CSMD1: variants seen among roughly 807,000 people sequenced by gnomAD.
CSMD1 encodes the protein CUB and Sushi multiple domains 1, also known as CUB and sushi domain-containing protein 1.
CSMD1 carries 213 observed loss-of-function variants against 417.5 expected under a neutral mutation model. The observed-to-expected ratio is 0.51, with a 90% CI of 0.46 to 0.57. CSMD1 has a LOEUF of 0.57. Among genes scored for constraint, CSMD1 ranks in the 20% least tolerant of loss-of-function variants. The pLI, the probability that CSMD1 is intolerant of heterozygous loss-of-function variation, is 0.00. For synonymous variants in CSMD1, 2,862 were observed against 1,736.8 expected, an observed-to-expected ratio of 1.65 and a Z score of -16.11; for missense variants, 6,923 against 4,529.7, an observed-to-expected ratio of 1.53 and a Z score of -15.17.
At chr8:3,680,066 GC>G (rs1799572473) in intron 7 of CSMD1, among the ~76,000 whole-genome samples, 1 of 151,906 alleles carries the variant, frequency 6.6e-6, no homozygotes, top group Non-Finnish European at 1.5e-5. Context: ...AACACTAAAT[GC>G]CCACAAGAGA....
At chr8:3,876,483 T>C (rs1395254688) in intron 5 of CSMD1, among the ~76,000 whole-genome samples, 2 of 152,200 alleles carry the variant, frequency 1.3e-5, no homozygotes, top group Non-Finnish European at 2.9e-5. Flanking sequence ...ACAGAATTGA[T>C]AAAATATGTA....
rs576945908 is a variant in CSMD1 at position 3,211,634 on chromosome 8, C to G, written c.4867+2863G>C. Among the ~76,000 whole-genome samples the G allele has an allele frequency of 2.6e-5, 4 of 152,334 alleles. No homozygotes were observed. In the East Asian group the frequency reaches 7.7e-4, roughly 29 times the overall value. ...GTGACCTAGAGACTGTCATCGCTCT[C>G]AGCCCTGCGAGTCTTGTCTGGAGTG... On this transcript the variant is annotated intron_variant, in intron 30 of 69. Transcript: ENST00000635120.
At chr8:2,947,979 G>C (rs749187822) in intron 68 of CSMD1, among the ~76,000 whole-genome samples, 76 of 147,216 alleles carry the variant, frequency 5.2e-4, no homozygotes, top group East Asian at 3.0e-3. Context: ...TTTATATTCA[G>C]CACTTTGATA....
chr8:4,230,430 G>A (rs1801650292), intron 3 of CSMD1, among the ~76,000 whole-genome samples: 1 of 152,222 alleles, frequency 6.6e-6, no homozygotes, highest in Non-Finnish European at 1.5e-5. Flanking sequence ...TCTAACCTGT[G>A]ACTTAACATA....
intron 54 of CSMD1, among the ~76,000 whole-genome samples, chr8:2,995,484 G>C (rs1313827983): frequency 2.0e-5 from 3 of 152,260 alleles, no homozygotes; most frequent in Admixed American, 6.5e-5. Context: ...AAAAATGCTT[G>C]GCAGTTTCTT....
At chr8:3,469,940 T>G (rs1165976001) in intron 11 of CSMD1, among the ~76,000 whole-genome samples, 1 of 152,256 alleles carries the variant, frequency 6.6e-6, no homozygotes, top group Admixed American at 6.5e-5. Context: ...GCTTGTTTTG[T>G]TGGCTTGTTT....
intron 10 of CSMD1, among the ~76,000 whole-genome samples, chr8:3,524,418 C>A (rs1797665962): frequency 6.6e-6 from 1 of 151,758 alleles, no homozygotes; most frequent in South Asian, 2.1e-4. Context: ...TATGCACACA[C>A]AACCAGACAC....
At chr8:3,376,831 G>A (rs968641588) in intron 18 of CSMD1, among the ~76,000 whole-genome samples, 6 of 151,946 alleles carry the variant, frequency 3.9e-5, no homozygotes, top group African/African-American at 1.5e-4. Flanking sequence ...ATGTTTAAAG[G>A]TTTAAATATC....
At chr8:4,391,552 G>C (rs11779254) in intron 3 of CSMD1, among the ~76,000 whole-genome samples, 83,539 of 151,758 alleles carry the variant, frequency 0.55, 25,346 homozygotes, top group African/African-American at 0.83. Flanking sequence ...GCTCAGAGTA[G>C]GTAAGACTTG....
At chr8:4,895,698 T>G (rs1454401108) in intron 1 of CSMD1, among the ~76,000 whole-genome samples, 1 of 152,004 alleles carries the variant, frequency 6.6e-6, no homozygotes, top group African/African-American at 2.4e-5. Context: ...CCCTGATTTT[T>G]TTTTTTCTCC....
At chr8:3,589,261 C>G (rs965905391) in intron 8 of CSMD1, among the ~76,000 whole-genome samples, 1 of 151,972 alleles carries the variant, frequency 6.6e-6, no homozygotes, top group African/African-American at 2.4e-5. Context: ...GAAATGAAAT[C>G]AATACGTTGA....
intron 7 of CSMD1, among the ~76,000 whole-genome samples, chr8:3,627,142 T>A (rs1796531591): frequency 6.6e-6 from 1 of 152,148 alleles, no homozygotes; most frequent in East Asian, 1.9e-4. Flanking sequence ...ACTCAAAAAT[T>A]TAATTCTCTT....
Position 3,385,656 on chromosome 8 carries a change from C to T in CSMD1, c.2782+1838G>A, listed in dbSNP as rs149998116. 3.1e-4 allele frequency among the ~76,000 whole-genome samples: 47 copies of T among 152,128 alleles called. 1 individual carries two copies. Among genetic ancestry groups the T allele is most frequent in the Middle Eastern group, 3.4e-3 (1 of 294 alleles). On this transcript the variant is annotated intron_variant, in intron 18 of 69. Coordinates refer to ENST00000635120, the MANE Select transcript of CSMD1 (RefSeq NM_033225.6). ...TCTGTAGGCAAATTCACTTATATGACGGTTCTCTGTATATTTATGAAAGCG... is the reference window on the plus strand; with the variant it reads ...TCTGTAGGCAAATTCACTTATATGATGGTTCTCTGTATATTTATGAAAGCG...
intron 3 of CSMD1, among the ~76,000 whole-genome samples, chr8:4,291,293 C>G (rs1008152656): frequency 7.2e-5 from 11 of 151,930 alleles, no homozygotes; most frequent in African/African-American, 1.9e-4. Flanking sequence ...GATTAAAAGT[C>G]AAGATATTTA....
intron 3 of CSMD1, among the ~76,000 whole-genome samples, chr8:4,128,919 T>G (rs1251169829): frequency 2.0e-5 from 3 of 152,034 alleles, no homozygotes; most frequent in Non-Finnish European, 4.4e-5. Context: ...GTTTTAAGAA[T>G]TCCTGTTTTA....
chr8:3,461,655 T>A (rs1816513208), intron 12 of CSMD1, among the ~76,000 whole-genome samples: 1 of 152,192 alleles, frequency 6.6e-6, no homozygotes, highest in Non-Finnish European at 1.5e-5. Flanking sequence ...CAGATCCTCA[T>A]GCCCAAGGCC....
intron 5 of CSMD1, among the ~76,000 whole-genome samples, chr8:3,909,725 C>CAA (rs1808337463): frequency 6.6e-6 from 1 of 152,042 alleles, no homozygotes; most frequent in African/African-American, 2.4e-5. Context: ...GTAGCAAAGG[C>CAA]AAAAGTTTAG....
chr8:3,995,201 T>C (rs1293052894), intron 5 of CSMD1, among the ~76,000 whole-genome samples: 1 of 152,232 alleles, frequency 6.6e-6, no homozygotes, highest in African/African-American at 2.4e-5. Flanking sequence ...TATTCTGTTT[T>C]ATGTTTTAAA....
intron 5 of CSMD1, among the ~76,000 whole-genome samples, chr8:3,965,305 G>A (rs1000952658): frequency 1.3e-5 from 2 of 152,158 alleles, no homozygotes; most frequent in Non-Finnish European, 2.9e-5. Context: ...ATGGGTTTCT[G>A]AAATGCTACC....
Sources: gnomAD v4.1 joint callset for allele counts (sites outside exome capture counted in the v4.1 genomes callset) on GRCh38, gnomAD v4.1.1 for gene constraint, MANE v1.5 for transcripts, NCBI Gene and HGNC (gene_info 2026-07-23, HGNC 2026-07-21) for gene names.